The following RTF1 variants were observed in gnomAD, a reference collection of about 807,000 sequenced individuals.
The protein encoded by RTF1 is RNA polymerase-associated protein RTF1 homolog.
In RTF1, 10 loss-of-function variants were observed where a neutral mutation model predicts 95.7. The observed-to-expected ratio is 0.10, with a 90% CI of 0.06 to 0.18. The LOEUF is 0.18. RTF1 is among the 10% of genes least tolerant of loss of function. RTF1 has a pLI of 1.00. For missense variants in RTF1, 458 were observed against 875.6 expected, an observed-to-expected ratio of 0.52 and a Z score of 6.02; for synonymous variants, 305 against 311.8, an observed-to-expected ratio of 0.98 and a Z score of 0.23.
chr15:41,471,884 A>T (rs2050913405), intron 8 of RTF1, among the ~76,000 whole-genome samples: 1 of 151,736 alleles, frequency 6.6e-6, no homozygotes, highest in Non-Finnish European at 1.5e-5. Flanking sequence ...ATTTTATTTT[A>T]CCATTATTAT....
In RTF1 at chr15:41,481,667, CT is replaced by C. The variant is rs1173435351; in HGVS notation, c.*985del. On this transcript the variant is annotated 3_prime_UTR_variant, in exon 18 of 18. Transcript: ENST00000389629. The stretch of plus-strand genomic sequence containing the variant: ...AGCTTCTTGGCTGAACGTAGAACTT[CT>C]TTTTCTCACCCAGTATACCAGCCTC... 1 of 152,598 alleles carries C rather than the reference CT, an allele frequency of 6.6e-6. No homozygotes were observed. Among genetic ancestry groups the C allele is most frequent in the Non-Finnish European group, 1.5e-5 (1 of 68,046 alleles). 9.5% of individuals were successfully genotyped at this position (152,598 alleles called of 1,614,324 possible).
intron 2 of RTF1, among the ~76,000 whole-genome samples, chr15:41,443,219 A>G (rs945997064): frequency 6.6e-6 from 1 of 152,216 alleles, no homozygotes; most frequent in African/African-American, 2.4e-5. Flanking sequence ...CTATCCTGAA[A>G]AAAATGGGTA....
At chr15:41,439,709 C>T (rs529233374) in intron 2 of RTF1, among the ~76,000 whole-genome samples, 81 of 152,194 alleles carry the variant, frequency 5.3e-4, no homozygotes, top group Non-Finnish European at 9.9e-4. Context: ...CAGAGTGCAA[C>T]GGCACGATCT....
At chr15:41,431,718 C>T (rs949573168) in intron 1 of RTF1, among the ~76,000 whole-genome samples, 1 of 152,000 alleles carries the variant, frequency 6.6e-6, no homozygotes, top group Admixed American at 6.6e-5. Context: ...AGACTGGTCT[C>T]GAATTCCTGG....
chr15:41,457,665 G>A lies in RTF1; in HGVS notation c.458-7G>A. ...AGTGTAATCTTGTGTTTGGGCCTTT[G>A]TTGCAGGTGAAGTGTCAGACTCTGA... On this transcript the variant is annotated splice_region_variant and splice_polypyrimidine_tract_variant and intron_variant, in intron 3 of 17. Coordinates refer to ENST00000389629, the MANE Select transcript of RTF1 (RefSeq NM_015138.5). 1 of 1,614,032 alleles carries A rather than the reference G, an allele frequency of 6.2e-7. No homozygotes were observed.
chr15:41,428,104 A>G lies in RTF1; in HGVS notation c.199-10217A>G, dbSNP rs538650014. Among the ~76,000 whole-genome samples, 73 of 149,054 alleles carry G rather than the reference A, an allele frequency of 4.9e-4. 1 individual carries two copies. The South Asian group carries it at 0.014, about 28-fold the overall frequency. On this transcript the variant is annotated intron_variant, in intron 1 of 17. Coordinates refer to ENST00000389629, the MANE Select transcript of RTF1 (RefSeq NM_015138.5). ...GCCTGGCCGCCTTCTTTTTTTTTTA[A>G]TTTTATTTTTAGAGCTGGGGTCTCA...
chr15:41,417,956 G>C (rs2050580192), intron 1 of RTF1, among the ~76,000 whole-genome samples: 1 of 152,118 alleles, frequency 6.6e-6, no homozygotes, highest in Non-Finnish European at 1.5e-5. Context: ...GTGGAGGAAA[G>C]AGGGCAGATA....
chr15:41,472,352 AC>A (rs938599401), intron 8 of RTF1, among the ~76,000 whole-genome samples: 16 of 141,090 alleles, frequency 1.1e-4, no homozygotes, highest in African/African-American at 4.3e-4. Flanking sequence ...TGTTACAGGC[AC>A]CCGCCACCGT....
chr15:41,456,265 T>C (rs1468868622), intron 3 of RTF1, among the ~76,000 whole-genome samples: 3 of 148,728 alleles, frequency 2.0e-5, no homozygotes, highest in Non-Finnish European at 4.4e-5. Flanking sequence ...GGTCGGCGGA[T>C]CATGAGGTCA....
chr15:41,450,474 A>G (rs933853775), intron 2 of RTF1, among the ~76,000 whole-genome samples: 1 of 151,536 alleles, frequency 6.6e-6, no homozygotes, highest in Admixed American at 6.6e-5. Flanking sequence ...AATCCCAGCT[A>G]CTCGGGAGGC....
At chr15:41,456,714 G>A (rs990557127) in intron 3 of RTF1, among the ~76,000 whole-genome samples, 4 of 151,250 alleles carry the variant, frequency 2.6e-5, no homozygotes, top group Admixed American at 6.6e-5. Context: ...TGTTTGAACC[G>A]GGGAGGTGGA....
chr15:41,473,234 C>T (rs954639052), intron 8 of RTF1, among the ~76,000 whole-genome samples: 32 of 151,830 alleles, frequency 2.1e-4, no homozygotes, highest in Admixed American at 1.6e-3. Flanking sequence ...CCTGGGTTCA[C>T]GCCATTCTCC....
At position 41,428,848 on chromosome 15, in the gene RTF1, T is replaced by TC. The variant is rs569594072; in HGVS notation, c.199-9470dup. ...TCTGCCTCCTGGGCCCAACCAGTTC[T>TC]CCCACAGCCTCCTGTGTAGCTGGGA... On this transcript the variant is annotated intron_variant, in intron 1 of 17. Coordinates refer to ENST00000389629, the MANE Select transcript of RTF1 (RefSeq NM_015138.5). 2.2e-3 allele frequency among the ~76,000 whole-genome samples: 333 copies of TC among 152,156 alleles called. 1 individual carries two copies. The highest frequency in any genetic ancestry group is 3.1e-3 in the Non-Finnish European group (213 of 68,002).
chr15:41,475,383 C>T lies in RTF1; in HGVS notation c.1287-142C>T. 3 of 659,918 alleles carry T rather than the reference C, an allele frequency of 4.5e-6. 1 individual carries two copies. 40.9% of individuals were successfully genotyped at this position (659,918 alleles called of 1,614,324 possible). On this transcript the variant is annotated intron_variant, in intron 9 of 17. Transcript: ENST00000389629. Reference sequence around the variant, plus strand: ...AATCTTGGCAGCTCATTAAAACAGCCTGGGATGATTTTATAGGGTAGCTAG... The same window carrying T: ...AATCTTGGCAGCTCATTAAAACAGCTTGGGATGATTTTATAGGGTAGCTAG...
rs1416547760 is a variant in RTF1, at chr15:41,481,440, T to A, written c.*753T>A. ...AGAAACTCATTAAATGTGATTCTTC[T>A]TACTAAACAGGCCTGACTGCTGTAG... On this transcript the variant is annotated 3_prime_UTR_variant, in exon 18 of 18. Coordinates refer to ENST00000389629, the MANE Select transcript of RTF1 (RefSeq NM_015138.5). The A allele has an allele frequency of 6.6e-6, 1 of 152,666 alleles. No homozygotes were observed. The highest frequency in any genetic ancestry group is 6.5e-5 in the Admixed American group (1 of 15,288). 9.5% of individuals were successfully genotyped at this position (152,666 alleles called of 1,614,324 possible).
chr15:41,432,887 G>A lies in RTF1; in HGVS notation c.199-5434G>A, dbSNP rs962402615. Among the ~76,000 whole-genome samples the A allele has an allele frequency of 4.0e-5, 6 of 151,158 alleles. No individual in the cohort carries two copies. The South Asian group carries it at 8.4e-4, about 21-fold the overall frequency. On this transcript the variant is annotated intron_variant, in intron 1 of 17. Coordinates refer to ENST00000389629, the MANE Select transcript of RTF1 (RefSeq NM_015138.5). ...CAGGAGGCCGAGGTTGTAGTGAGCC[G>A]GGATCGCACCATTGCACTCCAGCTT...
chr15:41,473,368 G>A (rs1047690430), intron 8 of RTF1, among the ~76,000 whole-genome samples: 7 of 151,584 alleles, frequency 4.6e-5, no homozygotes, highest in African/African-American at 9.7e-5. Context: ...TCCTGACTTC[G>A]TGATCTGCCT....
chr15:41,419,643 C>T (rs936697981), intron 1 of RTF1, among the ~76,000 whole-genome samples: 1 of 152,170 alleles, frequency 6.6e-6, no homozygotes, highest in Non-Finnish European at 1.5e-5. Context: ...TGGTAAAGCA[C>T]TCTCAAGACA....
At chr15:41,456,077 G>A (rs2050813805) in intron 3 of RTF1, among the ~76,000 whole-genome samples, 1 of 151,898 alleles carries the variant, frequency 6.6e-6, no homozygotes. Context: ...GTGGTGGCAT[G>A]TGCCTGTAGT....
Sources: gnomAD v4.1 joint callset for allele counts (sites outside exome capture counted in the v4.1 genomes callset) on GRCh38, gnomAD v4.1.1 for gene constraint, MANE v1.5 for transcripts, NCBI Gene and HGNC (gene_info 2026-07-23, HGNC 2026-07-21) for gene names.